GALNT14: variants seen among roughly 807,000 people sequenced by gnomAD.
GALNT14 encodes the protein UDP-GalNAc:polypeptide N-acetylgalactosaminyltransferase 14.
Under a neutral mutation model 77.5 loss-of-function variants are expected in GALNT14, and 60 were observed. That is an observed-to-expected ratio of 0.77 (90% confidence interval 0.63 to 0.96). The LOEUF (loss-of-function observed/expected upper bound fraction) is 0.96. Ranked by LOEUF, GALNT14 falls within the 40% of genes least tolerant of loss-of-function variation. The pLI is 0.00. For missense variants in GALNT14, 710 were observed against 731.0 expected (o/e 0.97, Z 0.33); for synonymous variants, 280 against 281.7 (o/e 0.99, Z 0.06).
At chr2:31,065,792 G>C (rs1366882478) in intron 1 of GALNT14, among the ~76,000 whole-genome samples, 1 of 152,180 alleles carries the variant, frequency 6.6e-6, no homozygotes, top group African/African-American at 2.4e-5. Context: ...CTCCTGCCGG[G>C]TGTCTGAGGA....
chr2:31,009,117 T>C (rs1487351262), intron 1 of GALNT14, among the ~76,000 whole-genome samples: 2 of 152,248 alleles, frequency 1.3e-5, no homozygotes, highest in African/African-American at 4.8e-5. Context: ...TCATTATTTC[T>C]TGAGTTCTTA....
the GALNT14 span, among the ~76,000 whole-genome samples, chr2:30,905,270 G>A: frequency 2.0e-4 from 31 of 152,160 alleles, no homozygotes; most frequent in Admixed American, 1.8e-3. Context: ...TCTGAGCTAC[G>A]GGAGGACATT....
intron 1 of GALNT14, among the ~76,000 whole-genome samples, chr2:31,042,459 A>G (rs939143879): frequency 6.6e-6 from 1 of 152,174 alleles, no homozygotes; most frequent in African/African-American, 2.4e-5. Flanking sequence ...GAGGGCTCAG[A>G]CATAGTGTGG....
intron 3 of GALNT14, among the ~76,000 whole-genome samples, chr2:30,963,665 A>G (rs946512136): frequency 2.0e-5 from 3 of 152,218 alleles, no homozygotes; most frequent in Admixed American, 1.3e-4. Context: ...TAGAAACATG[A>G]AAGATATTTT....
intron 1 of GALNT14, among the ~76,000 whole-genome samples, chr2:31,033,450 C>A (rs1327235462): frequency 6.6e-6 from 1 of 152,180 alleles, no homozygotes; most frequent in Admixed American, 6.5e-5. Context: ...GGAGTCTACC[C>A]TGTTGGCTAC....
intron 1 of GALNT14, among the ~76,000 whole-genome samples, chr2:31,030,541 C>CAA (rs1190248658): frequency 5.9e-5 from 9 of 152,100 alleles, no homozygotes; most frequent in African/African-American, 2.2e-4. Context: ...CTACATAAAG[C>CAA]AAAAAAGTGG....
Position 30,993,003 on chromosome 2 carries a change from G to GA in GALNT14, c.133dup (p.Ser45PhefsTer4). The GA allele has an allele frequency of 6.2e-7, 1 of 1,613,942 alleles. No individual in the cohort carries two copies. Among genetic ancestry groups the GA allele is most frequent in the African/African-American group, 1.3e-5 (1 of 75,042 alleles). On this transcript the variant is annotated frameshift_variant, in exon 2 of 15. Coordinates refer to ENST00000349752, the MANE Select transcript of GALNT14 (RefSeq NM_024572.4). LOFTEE classifies it high-confidence loss of function. ...CCACAGGTCGTCCCAGTCAGCGTCC[G>GA]AAGGCTGCGTGACACGAATGGGAAG...
intron 1 of GALNT14, among the ~76,000 whole-genome samples, chr2:31,092,861 G>A (rs1451996666): frequency 6.6e-6 from 1 of 152,002 alleles, no homozygotes; most frequent in Non-Finnish European, 1.5e-5. Context: ...TTGTGGTTTG[G>A]GCCATTACTT....
chr2:31,125,134 G>A (rs964549693), intron 1 of GALNT14: 1 of 1,521,080 alleles, frequency 6.6e-7, no homozygotes, highest in Non-Finnish European at 8.9e-7. Context: ...CACACTCCTG[G>A]GGACACACAG....
intron 13 of GALNT14, among the ~76,000 whole-genome samples, chr2:30,918,638 G>A (rs1238559257): frequency 1.3e-5 from 2 of 148,844 alleles, no homozygotes; most frequent in Non-Finnish European, 3.0e-5. Flanking sequence ...CAGGGAGGGT[G>A]GCATTGGGCA....
intron 1 of GALNT14, among the ~76,000 whole-genome samples, chr2:31,046,730 A>C (rs1361355756): frequency 6.6e-6 from 1 of 152,132 alleles, no homozygotes; most frequent in Non-Finnish European, 1.5e-5. Flanking sequence ...CATAGATATG[A>C]ATTATCAGGA....
chr2:30,983,718 T>G (rs1468835363), intron 2 of GALNT14, among the ~76,000 whole-genome samples: 2 of 144,616 alleles, frequency 1.4e-5, no homozygotes, highest in Non-Finnish European at 3.1e-5. Flanking sequence ...CAAACCATCT[T>G]AATTAGGAAA....
intron 1 of GALNT14, among the ~76,000 whole-genome samples, chr2:31,121,186 T>G (rs1435554474): frequency 6.6e-6 from 1 of 152,214 alleles, no homozygotes; most frequent in Non-Finnish European, 1.5e-5. Context: ...ACTTTGGCCA[T>G]GGCCCTGCCA....
intron 1 of GALNT14, among the ~76,000 whole-genome samples, chr2:31,076,563 T>C (rs1236303245): frequency 6.6e-6 from 1 of 151,690 alleles, no homozygotes; most frequent in Admixed American, 6.6e-5. Context: ...TAAGTCCTAT[T>C]TAATTCCTAT....
Position 30,924,182 on chromosome 2 carries a change from T to C in GALNT14, c.1317A>G (p.Gln439=). The change falls in exon 13 of 15, where the codon CAA becomes CAG. Residue 439 remains glutamine, a synonymous_variant. Coordinates refer to ENST00000349752, the MANE Select transcript of GALNT14 (RefSeq NM_024572.4). ...GGCTCAACTTTAGGTTTGGGGTTTC[T>C]TGGTTGTTCTGCCTTTGAGATTCCA... ...KCLESQRQNN[Q]ETPNLKLSPC... is the part of the protein sequence containing the mutation. 1 of 1,614,244 alleles carries C rather than the reference T, an allele frequency of 6.2e-7. No individual in the cohort carries two copies. The highest frequency in any genetic ancestry group is 2.2e-5 in the East Asian group (1 of 44,892).
At chr2:31,009,436 T>C (rs1250921945) in intron 1 of GALNT14, among the ~76,000 whole-genome samples, 1 of 152,200 alleles carries the variant, frequency 6.6e-6, no homozygotes, top group East Asian at 1.9e-4. Flanking sequence ...TTGTTGGAAG[T>C]GTGCATGGAT....
At chr2:30,903,608 T>C in the GALNT14 span, among the ~76,000 whole-genome samples, 5 of 152,218 alleles carry the variant, frequency 3.3e-5, no homozygotes, top group African/African-American at 1.2e-4. Context: ...TTGGAACAGA[T>C]CCTGCTCTAG....
In GALNT14 at chr2:30,955,647, G is replaced by T; in HGVS notation, c.625C>A (p.Leu209Ile). The part of the protein sequence containing the change: ...DSHCEVNRDW[L>I]QPLLHRVKED... Reference sequence around the variant, plus strand: ...TTGACCCTGTGCAACAGAGGCTGGAGCCAGTCCCTGTTCACCTCACAGTGG... The same window carrying T: ...TTGACCCTGTGCAACAGAGGCTGGATCCAGTCCCTGTTCACCTCACAGTGG... Residue 209 changes from leucine to isoleucine, a missense_variant, in exon 6 of 15, where the codon CTC (leucine) becomes ATC (isoleucine). Coordinates refer to ENST00000349752, the MANE Select transcript of GALNT14 (RefSeq NM_024572.4). 1 of 1,614,190 alleles carries T rather than the reference G, an allele frequency of 6.2e-7. No individual in the cohort carries two copies. Among genetic ancestry groups the T allele is most frequent in the Non-Finnish European group, 8.5e-7 (1 of 1,180,038 alleles).
At chr2:30,908,410 A>G (rs1664202419), downstream of GALNT14, among the ~76,000 whole-genome samples, 1 of 148,372 alleles carries the variant, frequency 6.7e-6, no homozygotes. Context: ...CTTATACACC[A>G]ATAACAGACA....
Sources: gnomAD v4.1 joint callset for allele counts (sites outside exome capture counted in the v4.1 genomes callset) on GRCh38, gnomAD v4.1.1 for gene constraint, MANE v1.5 for transcripts, NCBI Gene and HGNC (gene_info 2026-07-23, HGNC 2026-07-21) for gene names.